GRIN2B: variants seen among roughly 807,000 people sequenced by gnomAD.
GRIN2B encodes glutamate receptor ionotropic, NMDA 2B.
GRIN2B carries 5 observed loss-of-function variants against 114.5 expected under a neutral mutation model. That is an observed-to-expected ratio of 0.04 (90% CI 0.02 to 0.09). GRIN2B has a LOEUF of 0.09. Among genes scored for constraint, GRIN2B ranks in the 10% least tolerant of loss-of-function variants. GRIN2B has a pLI of 1.00. For synonymous variants in GRIN2B, 787 were observed against 745.1 expected, an observed-to-expected ratio of 1.06 and a Z score of -0.92; for missense variants, 1,108 against 1,943.5, an observed-to-expected ratio of 0.57 and a Z score of 8.08.
chr12:13,673,654 A>G (rs1446781896), intron 5 of GRIN2B, among the ~76,000 whole-genome samples: 4 of 152,106 alleles, frequency 2.6e-5, no homozygotes, highest in African/African-American at 9.7e-5. Flanking sequence ...GAAGGGATCC[A>G]AACCCTAGGA....
At chr12:13,681,413 A>G (rs1449355661) in intron 4 of GRIN2B, among the ~76,000 whole-genome samples, 1 of 152,016 alleles carries the variant, frequency 6.6e-6, no homozygotes, top group Admixed American at 6.6e-5. Flanking sequence ...GGTTTTTCAT[A>G]TCTCTCATTT....
chr12:13,621,397 G>T (rs1048280409), intron 5 of GRIN2B, among the ~76,000 whole-genome samples: 47 of 152,004 alleles, frequency 3.1e-4, no homozygotes, highest in African/African-American at 1.1e-3. Flanking sequence ...ATTAAAATAT[G>T]ATCAGGAAAA....
intron 3 of GRIN2B, among the ~76,000 whole-genome samples, chr12:13,778,424 C>T (rs1864045256): frequency 6.6e-6 from 1 of 152,184 alleles, no homozygotes; most frequent in Non-Finnish European, 1.5e-5. Context: ...TCCCCATAAG[C>T]ACGGCACCTT....
intron 10 of GRIN2B, among the ~76,000 whole-genome samples, chr12:13,581,084 C>T (rs1948841782): frequency 6.6e-6 from 1 of 152,152 alleles, no homozygotes; most frequent in Non-Finnish European, 1.5e-5. Flanking sequence ...ATTTGAGTTA[C>T]TTTCAGATAA....
chr12:13,833,028 TA>T (rs1317411165), intron 3 of GRIN2B, among the ~76,000 whole-genome samples: 12 of 152,198 alleles, frequency 7.9e-5, no homozygotes, highest in Non-Finnish European at 1.3e-4. Context: ...GCGGATCATG[TA>T]AAAGTGGCTC....
In GRIN2B at chr12:13,557,649, G is replaced by A. The variant is rs1021983908; in HGVS notation, c.*5134C>T. On this transcript the variant is annotated 3_prime_UTR_variant, in exon 14 of 14. Transcript: ENST00000609686. Reference sequence around the variant, plus strand: ...TATTGAAAATAATTCCTAACCAGGAGTCCTATTTAGGTGTCAAATGAGGCT... The same window carrying A: ...TATTGAAAATAATTCCTAACCAGGAATCCTATTTAGGTGTCAAATGAGGCT... 1 of 152,154 alleles carries A rather than the reference G, an allele frequency of 6.6e-6. No homozygotes were observed. Among genetic ancestry groups the A allele is most frequent in the Non-Finnish European group, 1.5e-5 (1 of 68,034 alleles). The allele number at this position is 152,154 out of a possible 1,614,324, so 9.4% of individuals were successfully genotyped here.
At chr12:13,678,234 T>C (rs1378113362) in intron 4 of GRIN2B, among the ~76,000 whole-genome samples, 1 of 152,184 alleles carries the variant, frequency 6.6e-6, no homozygotes, top group Non-Finnish European at 1.5e-5. Context: ...ATAAACTGCA[T>C]GCATTTTACA....
intron 4 of GRIN2B, among the ~76,000 whole-genome samples, chr12:13,715,811 G>T (rs531266134): frequency 9.9e-5 from 15 of 152,018 alleles, no homozygotes; most frequent in African/African-American, 3.6e-4. Flanking sequence ...TAGTCATGAT[G>T]ATGTCATAAG....
chr12:13,768,647 G>A (rs1270354724), intron 3 of GRIN2B, among the ~76,000 whole-genome samples: 1 of 152,196 alleles, frequency 6.6e-6, no homozygotes, highest in Admixed American at 6.5e-5. Flanking sequence ...AAATATCCTC[G>A]TAGTAAATTG....
At chr12:13,800,681 A>T (rs980545406) in intron 3 of GRIN2B, among the ~76,000 whole-genome samples, 1 of 152,172 alleles carries the variant, frequency 6.6e-6, no homozygotes, top group African/African-American at 2.4e-5. Flanking sequence ...AGTGAAAATA[A>T]TAGTCTTTCA....
At chr12:13,887,416 A>C (rs1866182115) in intron 2 of GRIN2B, among the ~76,000 whole-genome samples, 1 of 152,136 alleles carries the variant, frequency 6.6e-6, no homozygotes, top group Non-Finnish European at 1.5e-5. Flanking sequence ...CTTCACAGGA[A>C]AAAAAAGTTT....
intron 10 of GRIN2B, among the ~76,000 whole-genome samples, chr12:13,579,990 C>T (rs1157025141): frequency 6.6e-6 from 1 of 152,204 alleles, no homozygotes; most frequent in Non-Finnish European, 1.5e-5. Flanking sequence ...ACTCCTCCAA[C>T]CTGGTTAGCT....
At chr12:13,736,873 T>C (rs1300289241) in intron 4 of GRIN2B, among the ~76,000 whole-genome samples, 2 of 151,704 alleles carry the variant, frequency 1.3e-5, no homozygotes, top group African/African-American at 2.4e-5. Flanking sequence ...TGCAAAAAAT[T>C]AGCCGGGCGT....
At chr12:13,761,590 G>A (rs186470785) in intron 3 of GRIN2B, among the ~76,000 whole-genome samples, 61 of 152,206 alleles carry the variant, frequency 4.0e-4, no homozygotes, top group Non-Finnish European at 6.3e-4. Context: ...GTAAGGTATC[G>A]GGACCACTAA....
At chr12:13,919,613 C>T (rs912110886) in intron 2 of GRIN2B, among the ~76,000 whole-genome samples, 4 of 152,012 alleles carry the variant, frequency 2.6e-5, no homozygotes, top group Non-Finnish European at 2.9e-5. Flanking sequence ...CTTTTAAGAC[C>T]GTGCATCAAC....
intron 4 of GRIN2B, among the ~76,000 whole-genome samples, chr12:13,743,304 G>T (rs748684360): frequency 6.6e-6 from 1 of 152,124 alleles, no homozygotes; most frequent in Non-Finnish European, 1.5e-5. Context: ...GATACATCAG[G>T]TTGTTGAATA....
At chr12:13,774,438 C>T (rs1357417997) in intron 3 of GRIN2B, among the ~76,000 whole-genome samples, 1 of 152,138 alleles carries the variant, frequency 6.6e-6, no homozygotes, top group East Asian at 1.9e-4. Context: ...AAGCTCATCC[C>T]TGGGACAGCA....
At chr12:13,679,435 G>A (rs1007723139) in intron 4 of GRIN2B, among the ~76,000 whole-genome samples, 7 of 152,076 alleles carry the variant, frequency 4.6e-5, no homozygotes, top group African/African-American at 9.7e-5. Flanking sequence ...CTGTTCCAGC[G>A]CCTTCTGATT....
chr12:13,776,615 T>C (rs1191093053), intron 3 of GRIN2B, among the ~76,000 whole-genome samples: 2 of 152,134 alleles, frequency 1.3e-5, no homozygotes, highest in African/African-American at 4.8e-5. Flanking sequence ...TCATTTCTTA[T>C]CATATTTTAG....
Sources: gnomAD v4.1 joint callset for allele counts (sites outside exome capture counted in the v4.1 genomes callset) on GRCh38, gnomAD v4.1.1 for gene constraint, MANE v1.5 for transcripts, NCBI Gene and HGNC (gene_info 2026-07-23, HGNC 2026-07-21) for gene names.